ROR1: variants seen among roughly 807,000 people sequenced by gnomAD.
ROR1 encodes the protein ROR family WNT receptor 1.
In ROR1, 19 loss-of-function variants were observed where a neutral mutation model predicts 78.8. The ratio of observed to expected loss-of-function variants is 0.24; its 90% CI spans 0.17 to 0.35. The LOEUF (loss-of-function observed/expected upper bound fraction) is 0.35. ROR1 is among the 10% of genes least tolerant of loss of function. The pLI is 1.00. For missense variants in ROR1, 917 were observed against 1,177.8 expected, an observed-to-expected ratio of 0.78 and a Z score of 3.24; for synonymous variants, 386 against 433.6, an observed-to-expected ratio of 0.89 and a Z score of 1.36.
At chr1:64,147,418 T>G (rs966871788) in intron 7 of ROR1, among the ~76,000 whole-genome samples, 1 of 152,206 alleles carries the variant, frequency 6.6e-6, no homozygotes, top group Non-Finnish European at 1.5e-5. Flanking sequence ...TCTTGAATTC[T>G]TCAAGCCAAG....
rs568562045 is a variant in ROR1 at position 63,995,414 on chromosome 1, C to A, written c.92-13891C>A. Among the ~76,000 whole-genome samples the A allele has an allele frequency of 9.9e-5, 15 of 152,276 alleles. No homozygotes were observed. In the South Asian group the frequency reaches 2.5e-3, roughly 25 times the overall value. ...CAAATTTGATTAAATGAGCTGCCAA[C>A]ACAAGACCCTGTCAGACTAAGATGA... On this transcript the variant is annotated intron_variant, in intron 1 of 8. Transcript: ENST00000371079.
chr1:64,118,262 A>G (rs2100683522), intron 4 of ROR1, among the ~76,000 whole-genome samples: 1 of 152,330 alleles, frequency 6.6e-6, no homozygotes, highest in Non-Finnish European at 1.5e-5. Context: ...TAAGTCATTA[A>G]TAATTCATAA....
intron 1 of ROR1, among the ~76,000 whole-genome samples, chr1:63,933,668 C>T (rs1175627798): frequency 6.6e-6 from 1 of 152,120 alleles, no homozygotes; most frequent in Non-Finnish European, 1.5e-5. Flanking sequence ...TTTACTATGC[C>T]TGTAATTTAA....
chr1:63,901,368 C>T (rs987426706), intron 1 of ROR1, among the ~76,000 whole-genome samples: 4 of 152,052 alleles, frequency 2.6e-5, no homozygotes, highest in Non-Finnish European at 4.4e-5. Context: ...AGTTGTTGTC[C>T]GGTTCCCCAT....
chr1:64,063,105 A>G (rs1646929981), intron 4 of ROR1, among the ~76,000 whole-genome samples: 1 of 152,248 alleles, frequency 6.6e-6, no homozygotes, highest in Non-Finnish European at 1.5e-5. Flanking sequence ...GTAACCAAGA[A>G]TGATAAATTG....
chr1:64,151,892 A>AG (rs938330390), intron 7 of ROR1, among the ~76,000 whole-genome samples: 1 of 151,702 alleles, frequency 6.6e-6, no homozygotes, highest in African/African-American at 2.4e-5. Context: ...CAAAAAAAAA[A>AG]AAAAGTTCAG....
chr1:63,802,802 G>A (rs920802454), intron 1 of ROR1, among the ~76,000 whole-genome samples: 1 of 152,150 alleles, frequency 6.6e-6, no homozygotes, highest in Admixed American at 6.6e-5. Context: ...CAAATAAAGA[G>A]ACAAAACTCC....
intron 1 of ROR1, among the ~76,000 whole-genome samples, chr1:63,811,838 C>A (rs1644861527): frequency 6.6e-6 from 1 of 151,984 alleles, no homozygotes; most frequent in African/African-American, 2.4e-5. Context: ...TTAGAAAGGT[C>A]TGGGTGGCTC....
chr1:63,859,459 C>A (rs1206892313), intron 1 of ROR1, among the ~76,000 whole-genome samples: 1 of 152,130 alleles, frequency 6.6e-6, no homozygotes, highest in Non-Finnish European at 1.5e-5. Flanking sequence ...TTCTAGTGCC[C>A]AGCACATAGT....
chr1:64,174,730 C>G (rs540705885), intron 8 of ROR1, among the ~76,000 whole-genome samples: 1 of 152,268 alleles, frequency 6.6e-6, no homozygotes, highest in South Asian at 2.1e-4. Flanking sequence ...AGGAAAAGTT[C>G]TCATGGAAAT....
chr1:63,829,003 A>C (rs1025190844), intron 1 of ROR1, among the ~76,000 whole-genome samples: 1 of 152,202 alleles, frequency 6.6e-6, no homozygotes, highest in African/African-American at 2.4e-5. Flanking sequence ...ATAAACTGAT[A>C]TATTGATGTA....
intron 1 of ROR1, among the ~76,000 whole-genome samples, chr1:63,845,019 A>G (rs1454664414): frequency 5.3e-5 from 8 of 152,102 alleles, no homozygotes; most frequent in Non-Finnish European, 1.2e-4. Context: ...CCTTGAATTC[A>G]TTGTTACACT....
intron 1 of ROR1, among the ~76,000 whole-genome samples, chr1:63,913,375 T>G (rs554278855): frequency 6.6e-6 from 1 of 152,326 alleles, no homozygotes; most frequent in South Asian, 2.1e-4. Flanking sequence ...ACAAAAGTTC[T>G]CAGTGAGTGT....
At chr1:63,796,178 A>T (rs1644758693) in intron 1 of ROR1, among the ~76,000 whole-genome samples, 2 of 152,028 alleles carry the variant, frequency 1.3e-5, no homozygotes, top group Admixed American at 1.3e-4. Flanking sequence ...TCTACAAAGG[A>T]TGACATCAGG....
At chr1:64,170,734 T>G (rs1650213537) in intron 8 of ROR1, among the ~76,000 whole-genome samples, 1 of 152,208 alleles carries the variant, frequency 6.6e-6, no homozygotes, top group Non-Finnish European at 1.5e-5. Flanking sequence ...AGCACCCAAA[T>G]CACCTCTTGA....
chr1:63,873,415 CAAAACCAACAAACA>C (rs1557538089), intron 1 of ROR1, among the ~76,000 whole-genome samples: 1 of 152,108 alleles, frequency 6.6e-6, no homozygotes, highest in Non-Finnish European at 1.5e-5. Flanking sequence ...AAAAACAAAA[CAAAACCAACAAACA>C]AAAACTTGCA....
chr1:63,916,614 G>A (rs928704282), intron 1 of ROR1, among the ~76,000 whole-genome samples: 14 of 152,196 alleles, frequency 9.2e-5, no homozygotes, highest in African/African-American at 3.4e-4. Flanking sequence ...GGCATAGACT[G>A]TACACTTTGT....
intron 2 of ROR1, among the ~76,000 whole-genome samples, chr1:64,027,844 C>T: frequency 6.6e-6 from 1 of 152,028 alleles, no homozygotes; most frequent in Non-Finnish European, 1.5e-5. Flanking sequence ...CCTGCCACCA[C>T]ATCCAGCTAA....
At chr1:63,828,943 C>T (rs931043686) in intron 1 of ROR1, among the ~76,000 whole-genome samples, 2 of 152,200 alleles carry the variant, frequency 1.3e-5, no homozygotes, top group African/African-American at 4.8e-5. Flanking sequence ...GAGGCCCTAA[C>T]TATCTCCTTC....
Sources: allele counts gnomAD v4.1 joint callset (sites outside exome capture counted in the v4.1 genomes callset), GRCh38; gene constraint gnomAD v4.1.1; transcripts MANE v1.5; gene names NCBI Gene and HGNC (gene_info 2026-07-23, HGNC 2026-07-21).